Variants in TAFA1 observed in about 807,000 individuals in gnomAD.
TAFA1 encodes the protein TAFA chemokine like family member 1, also known as chemokine-like protein TAFA-1.
Under a neutral mutation model 18.5 loss-of-function variants are expected in TAFA1, and 4 were observed. The ratio of observed to expected loss-of-function variants is 0.22; its 90% CI spans 0.11 to 0.49. TAFA1 has a LOEUF of 0.49. TAFA1 is among the 20% of genes least tolerant of loss of function. TAFA1 has a pLI of 0.98. For missense variants in TAFA1, 147 were observed against 169.0 expected (o/e 0.87, Z 0.72); for synonymous variants, 56 against 55.2 (o/e 1.01, Z -0.06).
intron 2 of TAFA1, among the ~76,000 whole-genome samples, chr3:68,344,907 C>T (rs1272483892): frequency 6.6e-6 from 1 of 151,968 alleles, no homozygotes. Flanking sequence ...ACAGCTAGCA[C>T]AGAATATCCA....
At chr3:68,424,893 C>T (rs2071023002) in intron 3 of TAFA1, among the ~76,000 whole-genome samples, 1 of 151,926 alleles carries the variant, frequency 6.6e-6, no homozygotes, top group Non-Finnish European at 1.5e-5. Flanking sequence ...GAATTCCATG[C>T]AATAGACTTG....
intron 2 of TAFA1, among the ~76,000 whole-genome samples, chr3:68,022,438 A>G (rs966629871): frequency 7.2e-5 from 11 of 152,120 alleles, no homozygotes; most frequent in East Asian, 5.8e-4. Context: ...GGTAACTCCA[A>G]TAGTATCTGT....
At chr3:68,243,059 G>T (rs2067021592) in intron 2 of TAFA1, among the ~76,000 whole-genome samples, 1 of 151,786 alleles carries the variant, frequency 6.6e-6, no homozygotes, top group South Asian at 2.1e-4. Context: ...ATACCAGTGA[G>T]CTTTATCTTT....
chr3:68,057,656 G>T (rs1035327121), intron 2 of TAFA1, among the ~76,000 whole-genome samples: 1 of 152,208 alleles, frequency 6.6e-6, no homozygotes, highest in African/African-American at 2.4e-5. Flanking sequence ...GACTTTGCAG[G>T]TGTTTTTAAA....
chr3:68,260,253 T>C (rs987924847), intron 2 of TAFA1, among the ~76,000 whole-genome samples: 4 of 152,220 alleles, frequency 2.6e-5, no homozygotes, highest in African/African-American at 9.6e-5. Context: ...TTGATTTGTG[T>C]ATGTTGAACC....
intron 2 of TAFA1, among the ~76,000 whole-genome samples, chr3:68,392,558 G>A (rs9880229): frequency 0.57 from 87,265 of 151,898 alleles, 25,499 homozygotes; most frequent in African/African-American, 0.65. Context: ...CAGAATATAC[G>A]TTCTTCTCAG....
intron 2 of TAFA1, among the ~76,000 whole-genome samples, chr3:68,387,209 A>G (rs187633322): frequency 9.9e-5 from 15 of 152,236 alleles, no homozygotes; most frequent in African/African-American, 3.4e-4. Context: ...TCTGGTGACT[A>G]TAAATCCAGA....
At position 68,216,340 on chromosome 3, in the gene TAFA1, A is replaced by G. The variant is rs137929525; in HGVS notation, c.119-200940A>G. On this transcript the variant is annotated intron_variant, in intron 2 of 4. Coordinates refer to ENST00000478136, the MANE Select transcript of TAFA1 (RefSeq NM_213609.4). ...AAAAACCGTTTTCAAGAACAGGGGA[A>G]TCCCAGATGAATGCAGAATATGACT... is the stretch of plus-strand genomic sequence containing the variant. Among the ~76,000 whole-genome samples, 573 of 152,226 alleles carry G rather than the reference A, an allele frequency of 3.8e-3. 4 individuals are homozygous for G. Among genetic ancestry groups the G allele is most frequent in the African/African-American group, 0.013 (522 of 41,572 alleles).
intron 3 of TAFA1, among the ~76,000 whole-genome samples, chr3:68,435,355 G>T (rs1255822924): frequency 1.3e-5 from 2 of 152,142 alleles, no homozygotes; most frequent in Non-Finnish European, 2.9e-5. Flanking sequence ...TTAGGAATGA[G>T]CTCATGCAGC....
chr3:68,220,634 T>C (rs970626196), intron 2 of TAFA1, among the ~76,000 whole-genome samples: 30 of 152,126 alleles, frequency 2.0e-4, no homozygotes, highest in African/African-American at 7.2e-4. Flanking sequence ...TATCTCAGAT[T>C]TCCATCACCA....
chr3:68,186,559 G>C (rs1435945992), intron 2 of TAFA1, among the ~76,000 whole-genome samples: 1 of 151,938 alleles, frequency 6.6e-6, no homozygotes, highest in Admixed American at 6.6e-5. Context: ...CTTGTACTGG[G>C]ACAGACACGT....
At chr3:68,350,457 G>T (rs1320159665) in intron 2 of TAFA1, among the ~76,000 whole-genome samples, 1 of 152,056 alleles carries the variant, frequency 6.6e-6, no homozygotes, top group Non-Finnish European at 1.5e-5. Flanking sequence ...GGATGGGAGG[G>T]ATACATGCTT....
intron 2 of TAFA1, among the ~76,000 whole-genome samples, chr3:68,134,657 C>A (rs567852703): frequency 2.6e-5 from 4 of 152,100 alleles, no homozygotes; most frequent in Non-Finnish European, 5.9e-5. Flanking sequence ...CTCAGTGCTT[C>A]TTCTAAAATG....
At chr3:68,175,538 T>G (rs1345365637) in intron 2 of TAFA1, among the ~76,000 whole-genome samples, 2 of 152,236 alleles carry the variant, frequency 1.3e-5, no homozygotes, top group Admixed American at 6.5e-5. Context: ...TCGTCTGCCC[T>G]GCTGGACTTT....
intron 2 of TAFA1, among the ~76,000 whole-genome samples, chr3:68,087,086 A>T (rs1482680185): frequency 6.6e-6 from 1 of 152,192 alleles, no homozygotes; most frequent in South Asian, 2.1e-4. Context: ...ATATTTATGC[A>T]TTGTTCAAAT....
intron 2 of TAFA1, among the ~76,000 whole-genome samples, chr3:68,084,208 T>A (rs1198217548): frequency 6.6e-6 from 1 of 152,220 alleles, no homozygotes; most frequent in Non-Finnish European, 1.5e-5. Flanking sequence ...AATATAGGTG[T>A]GGCAGGCACC....
intron 2 of TAFA1, among the ~76,000 whole-genome samples, chr3:68,311,306 T>TGTCATATA (rs57935782): frequency 0.82 from 125,079 of 152,024 alleles, 51,785 homozygotes; most frequent in East Asian, 0.92. Context: ...CTCTCTCAAA[T>TGTCATATA]TTCATCAAAA....
At chr3:68,236,813 G>A (rs1264858711) in intron 2 of TAFA1, among the ~76,000 whole-genome samples, 1 of 152,122 alleles carries the variant, frequency 6.6e-6, no homozygotes, top group Non-Finnish European at 1.5e-5. Context: ...TTTCCTGGCC[G>A]AGTTATGTTG....
intron 2 of TAFA1, among the ~76,000 whole-genome samples, chr3:68,111,153 A>T (rs910560257): frequency 6.6e-6 from 1 of 152,214 alleles, no homozygotes; most frequent in East Asian, 1.9e-4. Context: ...TTAAAATAAA[A>T]TGTCCAAAAC....
Sources: gnomAD v4.1 joint callset for allele counts (sites outside exome capture counted in the v4.1 genomes callset) on GRCh38, gnomAD v4.1.1 for gene constraint, MANE v1.5 for transcripts, NCBI Gene and HGNC (gene_info 2026-07-23, HGNC 2026-07-21) for gene names.